The following DLGAP2 variants were observed in gnomAD, a reference collection of about 807,000 sequenced individuals.
The protein encoded by DLGAP2 is DLG associated protein 2, also known as disks large-associated protein 2.
A neutral mutation model predicts 100.3 loss-of-function variants in DLGAP2; 26 were observed. The observed-to-expected ratio is 0.26, with a 90% CI of 0.19 to 0.36. DLGAP2 has a LOEUF of 0.36. Among genes scored for constraint, DLGAP2 ranks in the 10% least tolerant of loss-of-function variants. The probability of loss-of-function intolerance (pLI) is 1.00; values close to 1 mark genes in which losing one functional copy is unlikely to be tolerated. For missense variants in DLGAP2, 1,858 were observed against 1,453.2 expected (o/e 1.28, Z -4.53); for synonymous variants, 886 against 630.1 (o/e 1.41, Z -6.08).
intron 3 of DLGAP2, among the ~76,000 whole-genome samples, chr8:1,424,993 AAT>A (rs1345682033): frequency 6.6e-6 from 1 of 152,212 alleles, no homozygotes; most frequent in Admixed American, 6.5e-5. Flanking sequence ...ATGCCACTGA[AAT>A]AGACAAAAAT....
intron 2 of DLGAP2, among the ~76,000 whole-genome samples, chr8:917,787 G>T (rs1317711473): frequency 6.6e-6 from 1 of 151,966 alleles, no homozygotes; most frequent in African/African-American, 2.4e-5. Context: ...CACCGTGTTG[G>T]CCAGGATGGT....
At chr8:783,955 G>T (rs1317203733) in intron 1 of DLGAP2, among the ~76,000 whole-genome samples, 1 of 152,184 alleles carries the variant, frequency 6.6e-6, no homozygotes, top group Non-Finnish European at 1.5e-5. Flanking sequence ...ATTGTTAATG[G>T]TAAGTGCTCA....
chr8:1,387,672 GT>G (rs1376058735), intron 3 of DLGAP2, among the ~76,000 whole-genome samples: 2 of 152,222 alleles, frequency 1.3e-5, no homozygotes, highest in Non-Finnish European at 2.9e-5. Flanking sequence ...TAGGCACTAA[GT>G]TGGGTCCTGG....
intron 3 of DLGAP2, among the ~76,000 whole-genome samples, chr8:1,344,033 A>T (rs368172295): frequency 4.0e-5 from 6 of 148,422 alleles, no homozygotes; most frequent in African/African-American, 1.5e-4. Flanking sequence ...GTTCATTCAC[A>T]GAATAAACAG....
At chr8:1,416,291 A>G (rs1389781349) in intron 3 of DLGAP2, among the ~76,000 whole-genome samples, 1 of 152,200 alleles carries the variant, frequency 6.6e-6, no homozygotes, top group Non-Finnish European at 1.5e-5. Flanking sequence ...GGTTCCCGTC[A>G]CGACGGCCAT....
chr8:1,164,962 A>G (rs62487542), intron 2 of DLGAP2, among the ~76,000 whole-genome samples: 28,570 of 151,604 alleles, frequency 0.19, 2,853 homozygotes, highest in Middle Eastern at 0.34. Context: ...TAGAAACCCA[A>G]ATTATCTTCC....
intron 3 of DLGAP2, among the ~76,000 whole-genome samples, chr8:1,336,454 C>T (rs1801275810): frequency 6.6e-6 from 1 of 152,200 alleles, no homozygotes; most frequent in Non-Finnish European, 1.5e-5. Context: ...GGGCTCTTTC[C>T]CTCGTCTTTA....
At chr8:1,065,402 C>G (rs1353244780) in intron 2 of DLGAP2, among the ~76,000 whole-genome samples, 1 of 152,216 alleles carries the variant, frequency 6.6e-6, no homozygotes, top group African/African-American at 2.4e-5. Context: ...CCTGACCACA[C>G]ATCTTTGTTA....
chr8:1,529,122 G>T (rs1275737943), intron 4 of DLGAP2, among the ~76,000 whole-genome samples: 1 of 152,196 alleles, frequency 6.6e-6, no homozygotes, highest in Non-Finnish European at 1.5e-5. Context: ...TCACAGTTCA[G>T]CATGGCTGGT....
In DLGAP2 at chr8:1,518,911, C is replaced by T. The variant is rs373267716; in HGVS notation, c.172+17480C>T. On this transcript the variant is annotated intron_variant, in intron 4 of 14. Transcript: ENST00000637795. The stretch of plus-strand genomic sequence containing the variant: ...TAAAACACATTCTCACGCCAGTGCC[C>T]GTGCTTCTCCCTCTGCGTGGCTAAG... 2.8e-4 allele frequency among the ~76,000 whole-genome samples: 43 copies of T among 152,280 alleles called. No individual in the cohort carries two copies. The East Asian group carries it at 3.1e-3, about 11-fold the overall frequency.
chr8:1,354,472 C>T (rs983970145), intron 3 of DLGAP2, among the ~76,000 whole-genome samples: 20 of 152,160 alleles, frequency 1.3e-4, no homozygotes, highest in African/African-American at 3.9e-4. Context: ...GATATTGAGC[C>T]GCTGCACTCC....
At chr8:771,825 G>C (rs569697499) in intron 1 of DLGAP2, among the ~76,000 whole-genome samples, 1 of 152,228 alleles carries the variant, frequency 6.6e-6, no homozygotes, top group Non-Finnish European at 1.5e-5. Flanking sequence ...ATAAACAATG[G>C]AAAGGGCAGT....
In DLGAP2 at chr8:1,299,155, C is replaced by G. The variant is rs181870539; in HGVS notation, c.106+40272C>G. On this transcript the variant is annotated intron_variant, in intron 3 of 14. Coordinates refer to ENST00000637795, the MANE Select transcript of DLGAP2 (RefSeq NM_001346810.2). ...CAGGCAATATTAAGTATGATTTTGACCAAATGCAAGATGGCATTTCAGGGG... is the reference window on the plus strand; with the variant it reads ...CAGGCAATATTAAGTATGATTTTGAGCAAATGCAAGATGGCATTTCAGGGG... Among the ~76,000 whole-genome samples the G allele has an allele frequency of 2.2e-4, 34 of 152,340 alleles. 1 individual carries two copies. In the East Asian group the frequency reaches 3.9e-3, roughly 17 times the overall value.
chr8:1,322,923 T>C (rs1800939249), intron 3 of DLGAP2, among the ~76,000 whole-genome samples: 1 of 152,222 alleles, frequency 6.6e-6, no homozygotes. Context: ...TGCCTCACTT[T>C]GTAGATTATT....
intron 1 of DLGAP2, among the ~76,000 whole-genome samples, chr8:797,241 C>G (rs1796055334): frequency 6.6e-6 from 1 of 152,196 alleles, no homozygotes; most frequent in African/African-American, 2.4e-5. Context: ...TCCCCAGGGG[C>G]TCTCACTTGC....
At chr8:1,093,165 C>T (rs1019892927) in intron 2 of DLGAP2, among the ~76,000 whole-genome samples, 1 of 152,304 alleles carries the variant, frequency 6.6e-6, no homozygotes, top group South Asian at 2.1e-4. Context: ...AGGGCCATCT[C>T]CTTCACCCAC....
chr8:1,674,568 T>A (rs1016261631), intron 10 of DLGAP2, among the ~76,000 whole-genome samples: 2 of 152,236 alleles, frequency 1.3e-5, no homozygotes, highest in African/African-American at 4.8e-5. Context: ...ATTTTTATGA[T>A]AAAAACGAGT....
intron 2 of DLGAP2, among the ~76,000 whole-genome samples, chr8:1,236,191 T>TCGTGTCTAGTTCTCTCACATCGCGC (rs1798648767): frequency 1.1e-5 from 1 of 91,696 alleles, no homozygotes; most frequent in Non-Finnish European, 2.1e-5. Context: ...ACACAGAGCA[T>TCGTGTCTAGTTCTCTCACATCGCGC]CGTGTCTAGT....
chr8:1,569,224 G>A (rs1802557331), intron 6 of DLGAP2, among the ~76,000 whole-genome samples: 1 of 152,250 alleles, frequency 6.6e-6, no homozygotes, highest in Admixed American at 6.5e-5. Context: ...AGCAGAGATG[G>A]TGCAACAGTT....
Sources: gnomAD v4.1 joint callset for allele counts (sites outside exome capture counted in the v4.1 genomes callset) on GRCh38, gnomAD v4.1.1 for gene constraint, MANE v1.5 for transcripts, NCBI Gene and HGNC (gene_info 2026-07-23, HGNC 2026-07-21) for gene names.